FGD3: variants seen among roughly 807,000 people sequenced by gnomAD.
The protein encoded by FGD3 is FYVE, RhoGEF and PH domain containing 3.
A neutral mutation model predicts 71.8 loss-of-function variants in FGD3; 45 were observed. The ratio of observed to expected loss-of-function variants is 0.63; its 90% CI spans 0.49 to 0.80. The LOEUF is 0.80. Among genes scored for constraint, FGD3 ranks in the 30% least tolerant of loss-of-function variants. The pLI is 0.00. For missense variants in FGD3, 844 were observed against 951.5 expected (o/e 0.89, Z 1.49); for synonymous variants, 378 against 392.8 (o/e 0.96, Z 0.44).
At chr9:93,009,154 T>G (rs1298303177) in intron 6 of FGD3, among the ~76,000 whole-genome samples, 2 of 151,832 alleles carry the variant, frequency 1.3e-5, no homozygotes, top group African/African-American at 4.8e-5. Context: ...TCCCAGTTAC[T>G]TAGGAGGCTG....
chr9:93,008,638 G>A (rs1861166244), intron 6 of FGD3, among the ~76,000 whole-genome samples: 1 of 152,210 alleles, frequency 6.6e-6, no homozygotes, highest in South Asian at 2.1e-4. Flanking sequence ...TGTCTGTCAG[G>A]ACTCTTCAGG....
chr9:92,948,105 C>G (rs1328543453), intron 1 of FGD3, among the ~76,000 whole-genome samples: 4 of 152,022 alleles, frequency 2.6e-5, no homozygotes, highest in African/African-American at 9.7e-5. Context: ...TCCACCCTTC[C>G]CCATTCTTCC....
chr9:93,022,055 C>T (rs1170847094), intron 13 of FGD3, among the ~76,000 whole-genome samples: 1 of 152,050 alleles, frequency 6.6e-6, no homozygotes, highest in Non-Finnish European at 1.5e-5. Context: ...AAATTAGAGC[C>T]CCTGAATAGG....
At chr9:92,962,919 AAC>A (rs1859197337) in intron 1 of FGD3, among the ~76,000 whole-genome samples, 1 of 150,644 alleles carries the variant, frequency 6.6e-6, no homozygotes, top group South Asian at 2.1e-4. Flanking sequence ...CAGCCTGGGC[AAC>A]AGAGTGAGGC....
chr9:92,952,233 A>AT (rs35969028), intron 1 of FGD3, among the ~76,000 whole-genome samples: 27,917 of 127,798 alleles, frequency 0.22, 3,389 homozygotes, highest in South Asian at 0.32. Context: ...TTGAAAGTCA[A>AT]TTTTTTTTTT....
chr9:92,955,419 C>G (rs1271288266), intron 1 of FGD3, among the ~76,000 whole-genome samples: 1 of 151,994 alleles, frequency 6.6e-6, no homozygotes, highest in African/African-American at 2.4e-5. Flanking sequence ...GCCTGTAATC[C>G]CAGCTACCCG....
At chr9:92,955,694 A>C (rs1033538114) in intron 1 of FGD3, among the ~76,000 whole-genome samples, 1 of 152,188 alleles carries the variant, frequency 6.6e-6, no homozygotes, top group African/African-American at 2.4e-5. Flanking sequence ...GAGCAGCACC[A>C]GCACAGGGAG....
intron 3 of FGD3, among the ~76,000 whole-genome samples, chr9:92,979,833 G>T (rs1427545055): frequency 2.6e-5 from 4 of 151,988 alleles, no homozygotes; most frequent in Non-Finnish European, 5.9e-5. Flanking sequence ...AGTCTTCCCA[G>T]GTTGTGTGTT....
At chr9:92,952,558 G>C (rs888618480) in intron 1 of FGD3, among the ~76,000 whole-genome samples, 21 of 152,032 alleles carry the variant, frequency 1.4e-4, no homozygotes, top group Admixed American at 1.3e-3. Context: ...CTGTTTTAAA[G>C]CTGAAGGCCC....
intron 3 of FGD3, among the ~76,000 whole-genome samples, chr9:92,981,506 A>G (rs925477328): frequency 6.6e-6 from 1 of 152,146 alleles, no homozygotes; most frequent in African/African-American, 2.4e-5. Context: ...AAGAACATAT[A>G]TTGTGCTGTT....
chr9:92,952,566 C>A (rs1037730412), intron 1 of FGD3, among the ~76,000 whole-genome samples: 1 of 151,700 alleles, frequency 6.6e-6, no homozygotes, highest in African/African-American at 2.4e-5. Flanking sequence ...AAGCTGAAGG[C>A]CCCCCCATCC....
In FGD3 at chr9:93,010,264, A is replaced by C. The variant is rs1456943588; in HGVS notation, c.856A>C (p.Asn286His). The C allele has an allele frequency of 6.2e-7, 1 of 1,611,134 alleles. No homozygotes were observed. The highest frequency in any genetic ancestry group is 8.5e-7 in the Non-Finnish European group (1 of 1,177,704). Residue 286 changes from asparagine to histidine, a missense_variant, in exon 7 of 18, where the codon AAC becomes CAC. Transcript: ENST00000375482. ...HSIQKQEVCG[N>H]LTLQHHMLEP... is the part of the protein sequence containing the mutation. Reference sequence around the variant, plus strand: ...CCCACAGAAGCAGGAGGTATGCGGGAACCTGACGCTGCAGCACCACATGCT... The same window carrying C: ...CCCACAGAAGCAGGAGGTATGCGGGCACCTGACGCTGCAGCACCACATGCT...
Position 92,994,941 on chromosome 9 carries a change from T to G in FGD3, c.454-7984T>G, listed in dbSNP as rs1264856881. ...CAGCTTTGTTCTTTTGGCTTAGGAT[T>G]GTCTTGGCAATGCGGGCTCTTTTTT... On this transcript the variant is annotated intron_variant, in intron 3 of 17. Transcript: ENST00000375482. Among the ~76,000 whole-genome samples the G allele has an allele frequency of 5.3e-5, 8 of 152,336 alleles. No homozygotes were observed. In the East Asian group the frequency reaches 1.5e-3, roughly 29 times the overall value.
intron 6 of FGD3, 87 bp downstream of exon 6, chr9:93,006,267 T>C (rs1861051241): frequency 7.8e-7 from 1 of 1,284,022 alleles, no homozygotes; most frequent in African/African-American, 1.5e-5. Flanking sequence ...TATGTATATA[T>C]GTATATTTTA....
intron 1 of FGD3, among the ~76,000 whole-genome samples, chr9:92,961,197 G>C (rs1453094569): frequency 6.6e-6 from 1 of 152,136 alleles, no homozygotes; most frequent in East Asian, 1.9e-4. Flanking sequence ...AGGAGTCCTG[G>C]GGAAACCCCC....
chr9:92,987,567 A>G (rs1860237394), intron 3 of FGD3, among the ~76,000 whole-genome samples: 1 of 152,162 alleles, frequency 6.6e-6, no homozygotes, highest in Non-Finnish European at 1.5e-5. Flanking sequence ...AGTTCTACTC[A>G]GTGCAGACTC....
chr9:92,956,819 C>A (rs1170340773), intron 1 of FGD3, among the ~76,000 whole-genome samples: 1 of 151,654 alleles, frequency 6.6e-6, no homozygotes, highest in African/African-American at 2.4e-5. Context: ...TGAGATCCAT[C>A]CATATAATTG....
At chr9:92,954,682 C>G (rs4237217) in intron 1 of FGD3, among the ~76,000 whole-genome samples, 105,686 of 152,068 alleles carry the variant, frequency 0.69, 37,915 homozygotes, top group African/African-American at 0.88. Context: ...ACTGAGTGAC[C>G]GCACTTTGGC....
intron 3 of FGD3, among the ~76,000 whole-genome samples, chr9:92,998,952 C>A (rs1057177199): frequency 6.6e-6 from 1 of 152,236 alleles, no homozygotes; most frequent in African/African-American, 2.4e-5. Flanking sequence ...TCTGTCCATT[C>A]TCAGATCTCA....
Sources: allele counts gnomAD v4.1 joint callset (sites outside exome capture counted in the v4.1 genomes callset), GRCh38; gene constraint gnomAD v4.1.1; transcripts MANE v1.5; gene names NCBI Gene and HGNC (gene_info 2026-07-23, HGNC 2026-07-21).